Variants in CDX1 observed in about 807,000 individuals in gnomAD.
CDX1 encodes the protein homeobox protein CDX-1.
In CDX1, 9 loss-of-function variants were observed where a neutral mutation model predicts 16.9. The observed-to-expected ratio is 0.53, with a 90% CI of 0.32 to 0.93. The LOEUF is 0.93. Among genes scored for constraint, CDX1 ranks in the 40% least tolerant of loss-of-function variants. The probability of loss-of-function intolerance (pLI) is 0.04; values close to 1 mark genes in which losing one functional copy is unlikely to be tolerated. For missense variants in CDX1, 393 were observed against 386.1 expected, an observed-to-expected ratio of 1.02 and a Z score of -0.15; for synonymous variants, 179 against 179.0, an observed-to-expected ratio of 1.00 and a Z score of 0.00.
chr5:150,170,202 A>G (rs1457854915), intron 1 of CDX1, among the ~76,000 whole-genome samples: 1 of 152,146 alleles, frequency 6.6e-6, no homozygotes, highest in African/African-American at 2.4e-5. Context: ...GCAAGAGTGG[A>G]ACCTTCTTAC....
At chr5:150,183,384 A>G in intron 2 of CDX1, 90 bp from the exon 3 acceptor site, 1 of 1,166,470 alleles carries the variant, frequency 8.6e-7, no homozygotes, top group Non-Finnish European at 1.2e-6. Flanking sequence ...ATGGAGAAAT[A>G]GGGGCTCACT....
chr5:150,170,956 C>T (rs1233469096), intron 1 of CDX1, among the ~76,000 whole-genome samples: 2 of 152,118 alleles, frequency 1.3e-5, no homozygotes, highest in Non-Finnish European at 1.5e-5. Context: ...GTGGAAGGCT[C>T]AGCCTCCAAT....
intron 2 of CDX1, 132 bp downstream of exon 2, chr5:150,183,045 A>C: frequency 9.0e-7 from 1 of 1,115,144 alleles, no homozygotes; most frequent in Non-Finnish European, 1.3e-6. Flanking sequence ...CACACAGCAC[A>C]GCAGAAACTG....
At chr5:150,168,024 A>C (rs556218906) in intron 1 of CDX1, among the ~76,000 whole-genome samples, 94 of 152,282 alleles carry the variant, frequency 6.2e-4, no homozygotes, top group Middle Eastern at 3.4e-3. Flanking sequence ...AAGGCAGGGT[A>C]GGGGGCAGGA....
chr5:150,175,729 C>T (rs1761561522), intron 1 of CDX1, among the ~76,000 whole-genome samples: 1 of 152,204 alleles, frequency 6.6e-6, no homozygotes, highest in South Asian at 2.1e-4. Context: ...AGCCCTCCCC[C>T]TGGTGGTACA....
At chr5:150,180,325 C>G (rs1274424540) in intron 1 of CDX1, among the ~76,000 whole-genome samples, 1 of 152,256 alleles carries the variant, frequency 6.6e-6, no homozygotes. Context: ...CGAGGCTATC[C>G]CGTGCTATGC....
intron 1 of CDX1, 61 bp from the exon 2 acceptor site, chr5:150,182,707 G>C: frequency 6.7e-7 from 1 of 1,484,134 alleles, no homozygotes. Flanking sequence ...TCCTGCCTGG[G>C]CCTTTTTTGT....
chr5:150,172,975 A>T (rs1364097599), intron 1 of CDX1, among the ~76,000 whole-genome samples: 1 of 152,110 alleles, frequency 6.6e-6, no homozygotes, highest in East Asian at 1.9e-4. Flanking sequence ...TGGAAACAAC[A>T]TTCACATCTG....
chr5:150,167,182 GGCGCCCCCTGGGCCCGGCCC>G lies in CDX1; in HGVS notation c.308_327del (p.Ala103GlyfsTer41). 7.8e-7 allele frequency: 1 copy of G among 1,274,338 alleles called. No homozygotes were observed. Among genetic ancestry groups the G allele is most frequent in the Non-Finnish European group, 9.8e-7 (1 of 1,015,728 alleles). The allele number at this position is 1,274,338 out of a possible 1,614,324, so 78.9% of individuals were successfully genotyped here. On this transcript the variant is annotated frameshift_variant, in exon 1 of 3. Coordinates refer to ENST00000231656, the MANE Select transcript of CDX1 (RefSeq NM_001804.3). LOFTEE classifies it high-confidence loss of function. ...CCCCTCCAGACTTTAGCCCGGTGCC[GGCGCCCCCTGGGCCCGGCCC>G]GGGCCTCCTGGCGCAGCCCCTCGGG...
chr5:150,174,060 C>T (rs1220945056), intron 1 of CDX1, among the ~76,000 whole-genome samples: 1 of 152,188 alleles, frequency 6.6e-6, no homozygotes, highest in Non-Finnish European at 1.5e-5. Flanking sequence ...ATGGCATGGC[C>T]CTACCCTCAA....
chr5:150,173,361 C>T (rs758294036), intron 1 of CDX1, among the ~76,000 whole-genome samples: 1 of 152,156 alleles, frequency 6.6e-6, no homozygotes, highest in Non-Finnish European at 1.5e-5. Context: ...TCACTCTGCT[C>T]CTCCCTGCCT....
intron 1 of CDX1, among the ~76,000 whole-genome samples, chr5:150,167,556 C>G (rs1183926783): frequency 1.3e-5 from 2 of 152,228 alleles, no homozygotes; most frequent in African/African-American, 4.8e-5. Flanking sequence ...AAACCGAGAC[C>G]CCCTGCGAAG....
intron 1 of CDX1, among the ~76,000 whole-genome samples, chr5:150,174,148 G>A (rs1761539705): frequency 6.6e-6 from 1 of 152,208 alleles, no homozygotes; most frequent in Non-Finnish European, 1.5e-5. Context: ...GGAAGGGGCT[G>A]GAGGCAGAGC....
At position 150,167,300 on chromosome 5, in the gene CDX1, G is replaced by A. The variant is rs1479520611; in HGVS notation, c.424G>A (p.Ala142Thr). 7.9e-7 allele frequency: 1 copy of A among 1,263,264 alleles called. No individual in the cohort carries two copies. Among genetic ancestry groups the A allele is most frequent in the South Asian group, 3.3e-5 (1 of 30,204 alleles). The allele number at this position is 1,263,264 out of a possible 1,614,324, so 78.3% of individuals were successfully genotyped here. A position where few individuals can be genotyped will look rare whatever the true frequency, so the allele number is the denominator to read the frequency against. The stretch of plus-strand genomic sequence containing the variant: ...CGAGTGGATGCGGCGCAGCGTGGCG[G>A]CCGGAGGCGGCGGTGGCAGCGGTAA... ...PYEWMRRSVAAGGGGGSGKTR... is the reference protein window; with the variant it reads ...PYEWMRRSVATGGGGGSGKTR... Residue 142 changes from alanine to threonine, a missense_variant, in exon 1 of 3, where the codon GCC (alanine) becomes ACC (threonine). By Grantham distance (58) the Ala-to-Thr change is moderately conservative (BLOSUM62 0). Transcript: ENST00000231656.
chr5:150,182,627 C>T (rs1752473871), intron 1 of CDX1, 141 bp from the exon 2 acceptor site: 1 of 724,392 alleles, frequency 1.4e-6, no homozygotes, highest in Non-Finnish European at 2.2e-6. Flanking sequence ...TTCCCTTGAA[C>T]CTGGAGTGTA....
intron 1 of CDX1, 55 bp downstream of exon 1, chr5:150,167,376 C>A: frequency 1.7e-6 from 2 of 1,170,286 alleles, no homozygotes; most frequent in Non-Finnish European, 2.1e-6. Flanking sequence ...TCGGGCGCGG[C>A]CCAGGCCGCC....
At chr5:150,182,246 G>A (rs542048353) in intron 1 of CDX1, among the ~76,000 whole-genome samples, 11 of 152,282 alleles carry the variant, frequency 7.2e-5, no homozygotes, top group African/African-American at 2.4e-4. Flanking sequence ...TATCCCCTCC[G>A]TGTCTCCAGC....
Position 150,167,321 on chromosome 5 carries a change from G to A in CDX1, c.445G>A (p.Gly149Ser). Residue 149 changes from glycine (G) to serine (S), a missense_variant and splice_region_variant, in exon 1 of 3, where the codon GGT becomes AGT. Physicochemically the swap from Gly to Ser is moderately conservative, Grantham distance 56. Transcript: ENST00000231656. ...GGCGGCCGGAGGCGGCGGTGGCAGC[G>A]GTAAGGACCCTTCCCTCGCCCTGCG... ...SVAAGGGGGSGKTRTKDKYRV... is the reference protein window; with the variant it reads ...SVAAGGGGGSSKTRTKDKYRV... 8.0e-7 allele frequency: 1 copy of A among 1,256,676 alleles called. No homozygotes were observed. The highest frequency in any genetic ancestry group is 9.9e-7 in the Non-Finnish European group (1 of 1,005,314). The allele number at this position is 1,256,676 out of a possible 1,614,324, so 77.8% of individuals were successfully genotyped here. A position where few individuals can be genotyped will look rare whatever the true frequency, so the allele number is the denominator to read the frequency against.
chr5:150,183,415 C>A, intron 2 of CDX1, 59 bp from the exon 3 acceptor site: 1 of 1,435,786 alleles, frequency 7.0e-7, no homozygotes, highest in Non-Finnish European at 9.4e-7. Flanking sequence ...CTCCTTCTTG[C>A]ACTCTCTCTT....
Sources: gnomAD v4.1 joint callset for allele counts (sites outside exome capture counted in the v4.1 genomes callset) on GRCh38, gnomAD v4.1.1 for gene constraint, MANE v1.5 for transcripts, NCBI Gene and HGNC (gene_info 2026-07-23, HGNC 2026-07-21) for gene names.